SLC33A2: variants seen among roughly 807,000 people sequenced by gnomAD.
The protein encoded by SLC33A2 is major facilitator superfamily domain containing 3.
chr8:144,510,128 C>A, the SLC33A2 span: 1 of 1,367,274 alleles, frequency 7.3e-7, no homozygotes. Flanking sequence ...GGGGTATGAC[C>A]TGCAAGACTT....
the SLC33A2 span, chr8:144,509,130 C>T: frequency 6.0e-6 from 3 of 502,072 alleles, no homozygotes; most frequent in Non-Finnish European, 1.0e-5. Flanking sequence ...CGTTTGGACC[C>T]GACTTCGGTT....
the SLC33A2 span, chr8:144,509,403 G>C: frequency 1.3e-6 from 2 of 1,527,196 alleles, no homozygotes; most frequent in Non-Finnish European, 1.7e-6. Context: ...GCTCCAGTCC[G>C]GCCTCCTGCC....
chr8:144,509,200 G>A, the SLC33A2 span: 1 of 907,214 alleles, frequency 1.1e-6, no homozygotes, highest in Non-Finnish European at 1.6e-6. Context: ...TAGCCTGTAC[G>A]ACGCTGACTC....
the SLC33A2 span, chr8:144,509,303 C>T: frequency 7.0e-7 from 1 of 1,427,860 alleles, no homozygotes; most frequent in Non-Finnish European, 9.1e-7. Context: ...TGGAACCCGA[C>T]CTCCCAGCCT....
chr8:144,510,869 T>G, the SLC33A2 span: 1 of 1,609,060 alleles, frequency 6.2e-7, no homozygotes, highest in South Asian at 1.1e-5. Flanking sequence ...ACTGGGATGA[T>G]GCGCTGCAGC....
At chr8:144,509,635 T>C in the SLC33A2 span, 1 of 1,538,284 alleles carries the variant, frequency 6.5e-7, no homozygotes, top group South Asian at 1.2e-5. Flanking sequence ...CCCGCCGCTG[T>C]GGCGGGGTTG....
At chr8:144,509,851 C>A in the SLC33A2 span, 1 of 1,538,450 alleles carries the variant, frequency 6.5e-7, no homozygotes, top group Non-Finnish European at 8.7e-7. Flanking sequence ...CTGGCTGCCA[C>A]CTACTGGCTG....
the SLC33A2 span, chr8:144,510,348 C>T: frequency 1.9e-6 from 3 of 1,611,250 alleles, no homozygotes; most frequent in Middle Eastern, 1.8e-4. Context: ...CATGCCCCCC[C>T]CACCACCCAA....
At chr8:144,510,693 C>T in the SLC33A2 span, 1 of 1,567,258 alleles carries the variant, frequency 6.4e-7, no homozygotes, top group African/African-American at 1.4e-5. Flanking sequence ...ACCCTGGGGG[C>T]CAGCATGGAC....
chr8:144,509,527 C>CG, the SLC33A2 span: 1 of 1,526,426 alleles, frequency 6.6e-7, no homozygotes, highest in Non-Finnish European at 8.7e-7. Context: ...GCGCAGGGCT[C>CG]GGCGAGGGCC....
chr8:144,509,215 C>T, the SLC33A2 span: 16 of 1,064,264 alleles, frequency 1.5e-5, no homozygotes, highest in South Asian at 8.9e-5. Context: ...TGACTCTGCC[C>T]GGTCCCAGAA....
At chr8:144,510,187 C>A in the SLC33A2 span, 1 of 1,285,100 alleles carries the variant, frequency 7.8e-7, no homozygotes, top group Non-Finnish European at 1.1e-6. Context: ...CTTGTCCGCC[C>A]CCAGCTCTAG....
the SLC33A2 span, chr8:144,509,798 G>GGCGCTGCTGCCC: frequency 6.5e-7 from 1 of 1,546,504 alleles, no homozygotes; most frequent in African/African-American, 1.4e-5. Context: ...GCGCGCTGCT[G>GGCGCTGCTGCCC]GCGCTGCTGC....
the SLC33A2 span, chr8:144,509,236 G>C: frequency 1.6e-6 from 2 of 1,249,450 alleles, no homozygotes; most frequent in African/African-American, 3.2e-5. Flanking sequence ...CCAAAGCCAT[G>C]CCGGGGTGTG....
the SLC33A2 span, chr8:144,510,635 C>T: frequency 7.1e-5 from 111 of 1,563,962 alleles, no homozygotes; most frequent in African/African-American, 8.5e-4. Flanking sequence ...GCTGCGCTTC[C>T]GCCTCGGGGG....
chr8:144,511,020 G>A, the SLC33A2 span: 8 of 1,602,834 alleles, frequency 5.0e-6, no homozygotes, highest in East Asian at 2.2e-5. Flanking sequence ...TGGCCACGCT[G>A]GAGCTGCTGG....
the SLC33A2 span, chr8:144,509,767 TG>T: frequency 1.3e-6 from 2 of 1,560,248 alleles, no homozygotes. Flanking sequence ...GCGTACAAGC[TG>T]GGGGCCGCGC....
the SLC33A2 span, chr8:144,510,062 C>T: frequency 1.9e-6 from 3 of 1,558,478 alleles, no homozygotes; most frequent in African/African-American, 2.7e-5. Flanking sequence ...GCTTCCGGGA[C>T]AGCTCCAGGT....
the SLC33A2 span, chr8:144,510,263 T>A: frequency 6.5e-7 from 1 of 1,545,346 alleles, no homozygotes; most frequent in Non-Finnish European, 8.7e-7. Context: ...TCTGGAACAC[T>A]GAGGAGAGCA....
Sources: allele counts gnomAD v4.1 joint callset, GRCh38; gene constraint gnomAD v4.1.1; transcripts MANE v1.5; gene names NCBI Gene and HGNC (gene_info 2026-07-23, HGNC 2026-07-21).